Variants in NELL1 observed in about 807,000 individuals in gnomAD.
The protein encoded by NELL1 is neural EGFL like 1.
A neutral mutation model predicts 107.4 loss-of-function variants in NELL1; 76 were observed. The observed-to-expected ratio is 0.71, with a 90% CI of 0.59 to 0.86. The LOEUF (loss-of-function observed/expected upper bound fraction) is 0.86. Ranked by LOEUF, NELL1 falls within the 40% of genes least tolerant of loss-of-function variation. NELL1 has a pLI of 0.00. For synonymous variants in NELL1, 353 were observed against 341.2 expected (o/e 1.03, Z -0.38); for missense variants, 1,024 against 1,005.5 (o/e 1.02, Z -0.25).
At chr11:21,206,536 G>A (rs1227036244) in intron 13 of NELL1, among the ~76,000 whole-genome samples, 4 of 152,116 alleles carry the variant, frequency 2.6e-5, no homozygotes, top group Non-Finnish European at 5.9e-5. Flanking sequence ...ACATTGAAAA[G>A]CAGGATAATA....
intron 12 of NELL1, chr11:21,000,970 C>T (rs2134272686): frequency 6.6e-6 from 1 of 152,246 alleles, no homozygotes; most frequent in South Asian, 2.1e-4. Flanking sequence ...AGATGATACT[C>T]CCCCATTCCA....
At chr11:21,421,098 A>T (rs1385298427) in intron 15 of NELL1, among the ~76,000 whole-genome samples, 1 of 152,212 alleles carries the variant, frequency 6.6e-6, no homozygotes, top group African/African-American at 2.4e-5. Flanking sequence ...TGTATTTATG[A>T]AACAATAACA....
At chr11:21,074,430 G>A (rs543268941) in intron 12 of NELL1, among the ~76,000 whole-genome samples, 2 of 152,150 alleles carry the variant, frequency 1.3e-5, no homozygotes, top group African/African-American at 4.8e-5. Context: ...CAGAAGTTGG[G>A]GGCTGTGGTA....
chr11:21,117,914 A>C (rs1590653255), intron 13 of NELL1, among the ~76,000 whole-genome samples: 1 of 152,146 alleles, frequency 6.6e-6, no homozygotes, highest in South Asian at 2.1e-4. Flanking sequence ...CAAAGGGATG[A>C]GAAAATACTG....
chr11:20,732,656 G>A (rs1444927950), intron 2 of NELL1, among the ~76,000 whole-genome samples: 1 of 152,130 alleles, frequency 6.6e-6, no homozygotes, highest in African/African-American at 2.4e-5. Flanking sequence ...AGGCATATGA[G>A]GCAGCAGGGG....
chr11:21,261,762 A>T (rs754638173), intron 14 of NELL1, among the ~76,000 whole-genome samples: 1 of 151,882 alleles, frequency 6.6e-6, no homozygotes, highest in Non-Finnish European at 1.5e-5. Context: ...CTCTACATAC[A>T]TGTAGTTTAA....
intron 12 of NELL1, among the ~76,000 whole-genome samples, chr11:20,967,920 C>G (rs1161413202): frequency 6.6e-6 from 1 of 152,162 alleles, no homozygotes; most frequent in Non-Finnish European, 1.5e-5. Flanking sequence ...TTCACTCTCT[C>G]CAGTGTTTAC....
chr11:21,123,464 A>G (rs996080768), intron 13 of NELL1, among the ~76,000 whole-genome samples: 4 of 152,156 alleles, frequency 2.6e-5, no homozygotes, highest in Admixed American at 6.6e-5. Flanking sequence ...AATGCAAATT[A>G]AAATGAAAAT....
chr11:21,056,382 G>A (rs1853615998), intron 12 of NELL1, among the ~76,000 whole-genome samples: 1 of 152,168 alleles, frequency 6.6e-6, no homozygotes, highest in South Asian at 2.1e-4. Flanking sequence ...AGGTACTGTA[G>A]CAGAAAGACT....
At chr11:21,280,391 C>T (rs1480454026) in intron 14 of NELL1, among the ~76,000 whole-genome samples, 1 of 152,104 alleles carries the variant, frequency 6.6e-6, no homozygotes, top group East Asian at 1.9e-4. Context: ...ATTCACAGTA[C>T]CTGATTTTAA....
chr11:21,322,156 C>A lies in NELL1; in HGVS notation c.1550-48697C>A, dbSNP rs576161145. On this transcript the variant is annotated intron_variant, in intron 14 of 19. Transcript: ENST00000357134. ...GCAATGACAGGAAATGCGTGGACAACTCAGAACAATCCCTTTCCAATTTTA... is the reference window on the plus strand; with the variant it reads ...GCAATGACAGGAAATGCGTGGACAAATCAGAACAATCCCTTTCCAATTTTA... Among the ~76,000 whole-genome samples, 659 of 152,286 alleles carry A rather than the reference C, an allele frequency of 4.3e-3. 4 individuals carry two copies. The highest frequency in any genetic ancestry group is 7.6e-3 in the Non-Finnish European group (518 of 68,022).
intron 12 of NELL1, among the ~76,000 whole-genome samples, chr11:21,075,368 A>G (rs1271372311): frequency 6.6e-6 from 1 of 150,692 alleles, no homozygotes; most frequent in Non-Finnish European, 1.5e-5. Context: ...AATACTCTTT[A>G]TTTACACATG....
intron 14 of NELL1, among the ~76,000 whole-genome samples, chr11:21,239,761 C>T (rs1858304120): frequency 6.6e-6 from 1 of 151,964 alleles, no homozygotes; most frequent in African/African-American, 2.4e-5. Flanking sequence ...TATCTTTGTT[C>T]TCTTGAATCA....
At chr11:21,517,611 T>C (rs1855599841) in intron 15 of NELL1, among the ~76,000 whole-genome samples, 1 of 152,120 alleles carries the variant, frequency 6.6e-6, no homozygotes, top group South Asian at 2.1e-4. Flanking sequence ...GATTCAATGA[T>C]TTCTAAGCAT....
intron 5 of NELL1, among the ~76,000 whole-genome samples, chr11:20,896,622 G>T (rs1849743683): frequency 6.6e-6 from 1 of 152,032 alleles, no homozygotes; most frequent in South Asian, 2.1e-4. Context: ...TAGTCAAATT[G>T]TCCCTGTTTG....
At chr11:20,959,652 T>G (rs1037358520) in intron 11 of NELL1, among the ~76,000 whole-genome samples, 1 of 152,146 alleles carries the variant, frequency 6.6e-6, no homozygotes, top group Non-Finnish European at 1.5e-5. Context: ...CATCATAGAC[T>G]TTAGGAATTT....
At chr11:21,309,310 ATAAT>A (rs1307772697) in intron 14 of NELL1, among the ~76,000 whole-genome samples, 14 of 135,870 alleles carry the variant, frequency 1.0e-4, no homozygotes, top group African/African-American at 3.6e-4. Context: ...GTATATATAT[ATAAT>A]ATATATATAT....
Position 21,324,431 on chromosome 11 carries a change from T to C in NELL1, c.1550-46422T>C, listed in dbSNP as rs567117739. On this transcript the variant is annotated intron_variant, in intron 14 of 19. Coordinates refer to ENST00000357134, the MANE Select transcript of NELL1 (RefSeq NM_006157.5). ...CTTGATTCTCATAAAAGGAGTACTG[T>C]TGATTTTCCTCAAGAGATTTTACAT... is the stretch of plus-strand genomic sequence containing the variant. Among the ~76,000 whole-genome samples, 130 of 152,244 alleles carry C rather than the reference T, an allele frequency of 8.5e-4. 1 individual carries two copies. The Middle Eastern group carries it at 0.024, about 28-fold the overall frequency.
chr11:21,534,589 C>A lies in NELL1; in HGVS notation c.1786+75C>A, dbSNP rs1310505612. On this transcript the variant is annotated intron_variant, in intron 16 of 19. Transcript: ENST00000357134. ...GTGTGGCTTGCTTTGGTACTCTGTTCAGCTCCCAGTGTTAAAATATGACCA... is the reference window on the plus strand; with the variant it reads ...GTGTGGCTTGCTTTGGTACTCTGTTAAGCTCCCAGTGTTAAAATATGACCA... The A allele has an allele frequency of 2.0e-6, 3 of 1,467,148 alleles. No homozygotes were observed. In the African/African-American group the frequency reaches 4.2e-5, roughly 20 times the overall value. 90.9% of individuals were successfully genotyped at this position (1,467,148 alleles called of 1,614,324 possible). A position where few individuals can be genotyped will look rare whatever the true frequency, so the allele number is the denominator to read the frequency against.
Sources: gnomAD v4.1 joint callset for allele counts (sites outside exome capture counted in the v4.1 genomes callset) on GRCh38, gnomAD v4.1.1 for gene constraint, MANE v1.5 for transcripts, NCBI Gene and HGNC (gene_info 2026-07-23, HGNC 2026-07-21) for gene names.